The following RUNDC3A variants were observed in gnomAD, a reference collection of about 807,000 sequenced individuals.
The protein encoded by RUNDC3A is RUN domain containing 3A, also known as RUN domain-containing protein 3A.
In RUNDC3A, 28 loss-of-function variants were observed where a neutral mutation model predicts 53.9. The ratio of observed to expected loss-of-function variants is 0.52; its 90% CI spans 0.38 to 0.71. The LOEUF is 0.71. Among genes scored for constraint, RUNDC3A ranks in the 30% least tolerant of loss-of-function variants. RUNDC3A has a pLI of 0.00. For synonymous variants in RUNDC3A, 232 were observed against 249.4 expected (o/e 0.93, Z 0.66); for missense variants, 491 against 597.3 (o/e 0.82, Z 1.85).
Position 44,308,667 on chromosome 17 carries a change from G to C in RUNDC3A, c.-166G>C, listed in dbSNP as rs2047688048. 2 of 465,268 alleles carry C rather than the reference G, an allele frequency of 4.3e-6. No homozygotes were observed. The highest frequency in any genetic ancestry group is 7.8e-5 in the Admixed American group (2 of 25,532). The allele number at this position is 465,268 out of a possible 1,614,324, so 28.8% of individuals were successfully genotyped here. ...TTTTGCTCTGGCATCGCCGCCGGGG[G>C]AGGGAGCGAGGGGGCCGGGCACCGG... On this transcript the variant is annotated 5_prime_UTR_variant, in exon 1 of 11. Transcript: ENST00000426726.
At chr17:44,314,691 CT>C in intron 4 of RUNDC3A, 43 bp from the exon 5 acceptor site, 3 of 1,388,460 alleles carry the variant, frequency 2.2e-6, no homozygotes, top group Non-Finnish European at 2.9e-6. Flanking sequence ...GGGGGGGGCG[CT>C]CCAGGGGCCT....
chr17:44,310,903 G>C (rs1236640354), intron 1 of RUNDC3A: 23 of 985,328 alleles, frequency 2.3e-5, no homozygotes, highest in Non-Finnish European at 2.8e-5. Context: ...CTGGCTCTCA[G>C]CAGGGCCAGC....
intron 1 of RUNDC3A, among the ~76,000 whole-genome samples, chr17:44,309,681 C>T (rs1181472105): frequency 6.6e-6 from 1 of 152,258 alleles, no homozygotes; most frequent in East Asian, 1.9e-4. Context: ...TGCTCAGCCA[C>T]TCCCCCTGCA....
chr17:44,310,724 G>T (rs1381341901), intron 1 of RUNDC3A: 5 of 985,414 alleles, frequency 5.1e-6, no homozygotes, highest in Non-Finnish European at 6.0e-6. Flanking sequence ...ACACCACAGG[G>T]CTCCCGGGGG....
At position 44,313,424 on chromosome 17, in the gene RUNDC3A, G is replaced by T; in HGVS notation, c.379G>T (p.Ala127Ser). 1 of 1,613,964 alleles carries T rather than the reference G, an allele frequency of 6.2e-7. No homozygotes were observed. The highest frequency in any genetic ancestry group is 2.2e-5 in the East Asian group (1 of 44,876). Reference sequence around the variant, plus strand: ...AGGTGAACATGATTTCCAGGGCCGGGCATGGATCCGGGTGGCACTGATGGA... The same window carrying T: ...AGGTGAACATGATTTCCAGGGCCGGTCATGGATCCGGGTGGCACTGATGGA... ...NISTARAKGRAWIRVALMEKR... is the reference protein window; with the variant it reads ...NISTARAKGRSWIRVALMEKR... The change falls in exon 4 of 11, where the codon GCA (alanine) becomes TCA (serine). Residue 127 changes from alanine to serine, a missense_variant. Physicochemically the swap from Ala to Ser is moderately conservative, Grantham distance 99. Coordinates refer to ENST00000426726, the MANE Select transcript of RUNDC3A (RefSeq NM_001144825.2).
chr17:44,309,583 G>A (rs1049907215), intron 1 of RUNDC3A, among the ~76,000 whole-genome samples: 6 of 152,056 alleles, frequency 3.9e-5, no homozygotes, highest in Admixed American at 6.5e-5. Context: ...CCGTGATTGC[G>A]GGGCCCAGGA....
chr17:44,311,935 A>G (rs540909206), intron 1 of RUNDC3A, among the ~76,000 whole-genome samples: 1 of 147,548 alleles, frequency 6.8e-6, no homozygotes, highest in East Asian at 2.3e-4. Context: ...ACCCCCGCCC[A>G]GCTCTGCACT....
Position 44,312,665 on chromosome 17 carries a change from T to A in RUNDC3A, c.193T>A (p.Leu65Ile). The A allele has an allele frequency of 6.3e-7, 1 of 1,580,340 alleles. No homozygotes were observed. The highest frequency in any genetic ancestry group is 8.6e-7 in the Non-Finnish European group (1 of 1,163,278). The change falls in exon 2 of 11, where the codon TTA becomes ATA. Residue 65 changes from leucine to isoleucine, a missense_variant. By Grantham distance (5) the Leu-to-Ile change is conservative. This residue lies in a region of RUNDC3A where 273 missense variants were observed against 389.0 expected (regional missense o/e 0.70). Coordinates refer to ENST00000426726, the MANE Select transcript of RUNDC3A (RefSeq NM_001144825.2). ...SEEFVNFAAI[L>I]EQILSHRFKA... is the part of the protein sequence containing the mutation. ...GGAGTTTGTCAATTTTGCAGCCATT[T>A]TAGAGCAGATCCTCAGCCACCGCTT...
chr17:44,310,714 A>G, intron 1 of RUNDC3A: 2 of 985,524 alleles, frequency 2.0e-6, no homozygotes, highest in Non-Finnish European at 2.4e-6. Flanking sequence ...ATCAGGGAGC[A>G]CACCACAGGG....
rs2047862443 is a variant in RUNDC3A, at chr17:44,316,412, C to T, written c.981C>T (p.Ala327=). Residue 327 remains alanine, a synonymous_variant, in exon 9 of 11, where the codon GCC becomes GCT. Transcript: ENST00000426726. ...CAGGTCTGATCCCCAGTGACCACGC[C>T]CCTCTGGCCCAGGGTTCCAAGGAGC... ...QLTGLIPSDH[A]PLAQGSKELT... is the part of the protein sequence containing the mutation. The T allele has an allele frequency of 6.2e-7, 1 of 1,613,818 alleles. No homozygotes were observed. Among genetic ancestry groups the T allele is most frequent in the East Asian group, 2.2e-5 (1 of 44,876 alleles).
chr17:44,309,257 G>A (rs542359947), intron 1 of RUNDC3A, among the ~76,000 whole-genome samples: 27 of 152,234 alleles, frequency 1.8e-4, no homozygotes, highest in Admixed American at 9.8e-4. Flanking sequence ...TGGCTCCCTT[G>A]CTGGGAATGG....
chr17:44,314,410 G>A (rs1324617110), intron 4 of RUNDC3A: 4 of 1,178,228 alleles, frequency 3.4e-6, no homozygotes, highest in East Asian at 9.3e-5. Context: ...AAGTTAACAC[G>A]TTTTTTGCGC....
intron 10 of RUNDC3A, chr17:44,317,378 G>A (rs1385795217): frequency 2.6e-6 from 2 of 760,596 alleles, no homozygotes; most frequent in Non-Finnish European, 4.9e-6. Flanking sequence ...GACATCCTCG[G>A]GGGCTCACAA....
At chr17:44,310,387 G>A (rs1405601512) in intron 1 of RUNDC3A, among the ~76,000 whole-genome samples, 1 of 152,326 alleles carries the variant, frequency 6.6e-6, no homozygotes, top group Middle Eastern at 3.4e-3. Context: ...TACCTGCTAG[G>A]TTCCTCTTTT....
chr17:44,312,774 C>A, intron 2 of RUNDC3A, 79 bp downstream of exon 2: 1 of 642,498 alleles, frequency 1.6e-6, no homozygotes, highest in African/African-American at 1.9e-5. Flanking sequence ...CGCCCCTCCC[C>A]CAGCGGTCCC....
chr17:44,316,795 G>T, intron 10 of RUNDC3A, 70 bp downstream of exon 10: 1 of 874,186 alleles, frequency 1.1e-6, no homozygotes, highest in Non-Finnish European at 1.8e-6. Flanking sequence ...AGGCCTCAAG[G>T]CATGTCCTCA....
At chr17:44,317,764 G>A in intron 10 of RUNDC3A, 1 of 606,800 alleles carries the variant, frequency 1.6e-6, no homozygotes, top group Admixed American at 2.8e-5. Context: ...TGAGCTCCAT[G>A]AGGGCAGGGA....
intron 10 of RUNDC3A, 125 bp from the exon 11 acceptor site, chr17:44,317,971 A>C: frequency 1.0e-6 from 1 of 971,646 alleles, no homozygotes. Context: ...AAAATGGCAA[A>C]TGCTGTGGAA....
At position 44,318,108 on chromosome 17, in the gene RUNDC3A, C is replaced by G; in HGVS notation, c.1211C>G (p.Thr404Arg). The G allele has an allele frequency of 6.4e-7, 1 of 1,551,400 alleles. No individual in the cohort carries two copies. Among genetic ancestry groups the G allele is most frequent in the Non-Finnish European group, 8.7e-7 (1 of 1,146,848 alleles). Residue 404 changes from threonine (T) to arginine (R), a missense_variant, in exon 11 of 11, where the codon ACG (threonine) becomes AGG (arginine). By Grantham distance (71) the Thr-to-Arg change is moderately conservative. Coordinates refer to ENST00000426726, the MANE Select transcript of RUNDC3A (RefSeq NM_001144825.2). ...EPWGPIGKDP[T>R]PSMLGLCGSL... is the part of the protein sequence containing the mutation. ...CCTCTCTCCCCAGGGAAGGACCCCACGCCCTCCATGCTGGGCCTCTGCGGC... is the reference window on the plus strand; with the variant it reads ...CCTCTCTCCCCAGGGAAGGACCCCAGGCCCTCCATGCTGGGCCTCTGCGGC...
Sources: gnomAD v4.1 joint callset for allele counts (sites outside exome capture counted in the v4.1 genomes callset) on GRCh38, gnomAD v4.1.1 for gene constraint, gnomAD v4.1.1 regional missense constraint, MANE v1.5 for transcripts, NCBI Gene and HGNC (gene_info 2026-07-23, HGNC 2026-07-21) for gene names.